KSR2: variants seen among roughly 807,000 people sequenced by gnomAD.
The protein encoded by KSR2 is kinase suppressor of ras 2.
KSR2 carries 25 observed loss-of-function variants against 107.8 expected under a neutral mutation model. That is an observed-to-expected ratio of 0.23 (90% CI 0.17 to 0.32). The LOEUF (loss-of-function observed/expected upper bound fraction) is 0.32. KSR2 is among the 10% of genes least tolerant of loss of function. The pLI is 1.00. For missense variants in KSR2, 887 were observed against 1,268.9 expected, an observed-to-expected ratio of 0.70 and a Z score of 4.57; for synonymous variants, 480 against 507.0, an observed-to-expected ratio of 0.95 and a Z score of 0.71.
At chr12:117,517,515 C>T (rs1231457832) in intron 14 of KSR2, among the ~76,000 whole-genome samples, 2 of 152,114 alleles carry the variant, frequency 1.3e-5, no homozygotes, top group East Asian at 3.9e-4. Context: ...AGAGTGGTGG[C>T]CAGTGGTGAG....
At chr12:117,809,147 C>G (rs1482473785) in intron 3 of KSR2, among the ~76,000 whole-genome samples, 3 of 152,116 alleles carry the variant, frequency 2.0e-5, no homozygotes, top group Non-Finnish European at 2.9e-5. Flanking sequence ...GCTACTGAGA[C>G]TTTAAGGTTT....
intron 4 of KSR2, among the ~76,000 whole-genome samples, chr12:117,749,666 G>C (rs529407603): frequency 2.0e-5 from 3 of 152,252 alleles, no homozygotes; most frequent in Admixed American, 1.3e-4. Context: ...TGTGACAATA[G>C]ATGATTCATT....
At chr12:117,540,761 G>A in intron 9 of KSR2, among the ~76,000 whole-genome samples, 1 of 152,190 alleles carries the variant, frequency 6.6e-6, no homozygotes, top group South Asian at 2.1e-4. Context: ...CTGGGAGAGA[G>A]GCATGGAACA....
intron 4 of KSR2, among the ~76,000 whole-genome samples, chr12:117,755,002 G>C (rs1888738880): frequency 6.6e-6 from 1 of 152,174 alleles, no homozygotes; most frequent in African/African-American, 2.4e-5. Flanking sequence ...CACAGAGATG[G>C]TTCCCAGCAG....
chr12:117,865,913 C>T (rs930570407), intron 1 of KSR2, among the ~76,000 whole-genome samples: 13 of 152,098 alleles, frequency 8.5e-5, no homozygotes, highest in African/African-American at 3.1e-4. Flanking sequence ...TATAGCATAG[C>T]GAGCACTTTC....
chr12:117,708,742 G>T (rs921140007), intron 4 of KSR2, among the ~76,000 whole-genome samples: 1 of 152,126 alleles, frequency 6.6e-6, no homozygotes, highest in Non-Finnish European at 1.5e-5. Context: ...GGGTCATTCC[G>T]GCAGGAGACC....
At chr12:117,939,164 T>C (rs975629324) in intron 1 of KSR2, among the ~76,000 whole-genome samples, 3 of 152,214 alleles carry the variant, frequency 2.0e-5, no homozygotes, top group Non-Finnish European at 2.9e-5. Context: ...CATTTTGTTG[T>C]TTCAGGAAAT....
At chr12:117,707,403 C>G (rs1243517385) in intron 4 of KSR2, among the ~76,000 whole-genome samples, 1 of 152,240 alleles carries the variant, frequency 6.6e-6, no homozygotes, top group South Asian at 2.1e-4. Context: ...GTGTGGTGTG[C>G]AAACTATATC....
Position 117,761,520 on chromosome 12 carries a change from G to A in KSR2, c.477C>T (p.Gly159=). The A allele has an allele frequency of 6.2e-7, 1 of 1,613,388 alleles. No individual in the cohort carries two copies. Among genetic ancestry groups the A allele is most frequent in the South Asian group, 1.1e-5 (1 of 91,074 alleles). Residue 159 remains glycine, a synonymous_variant, in exon 4 of 20, where the codon GGC becomes GGT. Coordinates refer to ENST00000339824, the MANE Select transcript of KSR2 (RefSeq NM_173598.6). ...TGGTCCAGTCTTGTTTGGAAAGGTTGCCTCCTGAGTTGGAACAGAAGAGCA... is the reference window on the plus strand; with the variant it reads ...TGGTCCAGTCTTGTTTGGAAAGGTTACCTCCTGAGTTGGAACAGAAGAGCA... The part of the protein sequence containing the change: ...SCLRNVHMSG[G]NLSKQDWTIQ...
intron 5 of KSR2, among the ~76,000 whole-genome samples, chr12:117,661,246 CT>C (rs1224317184): frequency 1.3e-5 from 2 of 149,816 alleles, no homozygotes; most frequent in African/African-American, 4.9e-5. Context: ...AATATGTGAC[CT>C]CAGATTCGAT....
At position 117,927,878 on chromosome 12, in the gene KSR2, G is replaced by A. The variant is rs1367601343; in HGVS notation, c.180+40198C>T. Among the ~76,000 whole-genome samples, 12 of 152,074 alleles carry A rather than the reference G, an allele frequency of 7.9e-5. 1 individual carries two copies. The highest frequency in any genetic ancestry group is 1.2e-4 in the African/African-American group (5 of 41,486). On this transcript the variant is annotated intron_variant, in intron 1 of 19. Transcript: ENST00000339824. ...AAAATACACCATTTAAGTGTACAGC[G>A]GAGTGGCCTCAAGCACATACGCAGT...
chr12:117,904,907 C>T (rs1385278768), intron 1 of KSR2, among the ~76,000 whole-genome samples: 2 of 152,160 alleles, frequency 1.3e-5, no homozygotes, highest in African/African-American at 2.4e-5. Flanking sequence ...TCTGGCCGGG[C>T]ACGGTGGCTC....
intron 5 of KSR2, among the ~76,000 whole-genome samples, chr12:117,606,978 C>A (rs954833257): frequency 5.9e-5 from 9 of 152,166 alleles, no homozygotes; most frequent in Admixed American, 1.3e-4. Flanking sequence ...CTCCTGCTTG[C>A]CATCGCAGAC....
chr12:117,621,188 T>C (rs544878721), intron 5 of KSR2, among the ~76,000 whole-genome samples: 92 of 152,326 alleles, frequency 6.0e-4, no homozygotes, highest in African/African-American at 1.9e-3. Context: ...TAGTTTTTCC[T>C]GTGCTTTCAC....
chr12:117,770,589 A>T (rs904845138), intron 3 of KSR2, among the ~76,000 whole-genome samples: 1 of 151,946 alleles, frequency 6.6e-6, no homozygotes, highest in Non-Finnish European at 1.5e-5. Flanking sequence ...GGACTGCCAC[A>T]TAAAAGCCTG....
At chr12:117,560,359 G>A (rs1178820132) in intron 7 of KSR2, among the ~76,000 whole-genome samples, 1 of 152,046 alleles carries the variant, frequency 6.6e-6, no homozygotes, top group African/African-American at 2.4e-5. Flanking sequence ...TCATGGCTCT[G>A]ATGGGGCTCT....
At chr12:117,893,155 C>T (rs1203774577) in intron 1 of KSR2, among the ~76,000 whole-genome samples, 2 of 151,752 alleles carry the variant, frequency 1.3e-5, no homozygotes, top group Non-Finnish European at 2.9e-5. Context: ...GTAGCTGGGA[C>T]TACAGGTGCA....
intron 4 of KSR2, among the ~76,000 whole-genome samples, chr12:117,675,354 G>A (rs1885072823): frequency 6.6e-6 from 1 of 152,148 alleles, no homozygotes; most frequent in Non-Finnish European, 1.5e-5. Flanking sequence ...GAATTCTAAA[G>A]GAAAGTGACC....
At chr12:117,719,277 C>T (rs1452723089) in intron 4 of KSR2, among the ~76,000 whole-genome samples, 3 of 152,158 alleles carry the variant, frequency 2.0e-5, no homozygotes, top group Admixed American at 1.3e-4. Flanking sequence ...TCACTGCAAC[C>T]TCTACCTCCC....
Sources: gnomAD v4.1 joint callset for allele counts (sites outside exome capture counted in the v4.1 genomes callset) on GRCh38, gnomAD v4.1.1 for gene constraint, MANE v1.5 for transcripts, NCBI Gene and HGNC (gene_info 2026-07-23, HGNC 2026-07-21) for gene names.